PLAC8L1: variants seen among roughly 807,000 people sequenced by gnomAD.
The protein encoded by PLAC8L1 is PLAC8-like protein 1.
In PLAC8L1, 13 loss-of-function variants were observed where a neutral mutation model predicts 16.3. That is an observed-to-expected ratio of 0.80 (90% CI 0.52 to 1.27). The LOEUF (loss-of-function observed/expected upper bound fraction) is 1.27. PLAC8L1 is among the 50% of genes most tolerant of loss of function. PLAC8L1 has a pLI of 0.00. For missense variants in PLAC8L1, 184 were observed against 220.2 expected, an observed-to-expected ratio of 0.84 and a Z score of 1.04; for synonymous variants, 78 against 79.3, an observed-to-expected ratio of 0.98 and a Z score of 0.09.
intron 2 of PLAC8L1, among the ~76,000 whole-genome samples, chr5:146,097,946 T>C (rs1763743476): frequency 6.6e-6 from 1 of 152,206 alleles, no homozygotes; most frequent in Non-Finnish European, 1.5e-5. Flanking sequence ...TTAGAAATCT[T>C]TGAAGGCACC....
Position 146,091,111 on chromosome 5 carries a change from T to C in PLAC8L1, c.257-5514A>G, listed in dbSNP as rs551501659. On this transcript the variant is annotated intron_variant, in intron 2 of 3. Transcript: ENST00000311450. ...TGGGGAGCCATGAAGAAATAAGTAC[T>C]CCACACACAGATGGAAGTAGAAATT... Among the ~76,000 whole-genome samples, 26 of 152,226 alleles carry C rather than the reference T, an allele frequency of 1.7e-4. 1 individual carries two copies. Among genetic ancestry groups the C allele is most frequent in the South Asian group, 1.5e-3 (7 of 4,812 alleles).
chr5:146,090,032 C>A (rs1561782867), intron 2 of PLAC8L1, among the ~76,000 whole-genome samples: 1 of 151,948 alleles, frequency 6.6e-6, no homozygotes, highest in Non-Finnish European at 1.5e-5. Flanking sequence ...GCCACAGCGC[C>A]CAGCCTCAAC....
rs1215840331 is a variant in PLAC8L1, at chr5:146,084,314, AG to A, written c.*117del. 3 of 1,278,278 alleles carry A rather than the reference AG, an allele frequency of 2.3e-6. No individual in the cohort carries two copies. Among genetic ancestry groups the A allele is most frequent in the African/African-American group, 1.5e-5 (1 of 67,172 alleles). The allele number at this position is 1,278,278 out of a possible 1,614,324, so 79.2% of individuals were successfully genotyped here. A position where few individuals can be genotyped will look rare whatever the true frequency, so the allele number is the denominator to read the frequency against. ...AAGAAAGAAGAACAGTAGAGACAGT[AG>A]GGGGGAAATCATTTATTTTCATACC... On this transcript the variant is annotated 3_prime_UTR_variant, in exon 4 of 4. Transcript: ENST00000311450.
Position 146,098,190 on chromosome 5 carries a change from G to A in PLAC8L1, c.222C>T (p.Thr74=), listed in dbSNP as rs943620041. The A allele has an allele frequency of 1.2e-5, 20 of 1,613,818 alleles. No homozygotes were observed. The highest frequency in any genetic ancestry group is 5.0e-5 in the Admixed American group (3 of 59,968). ...AIVQTGGGWS[T]GLFSVCRDRR... is the part of the protein sequence containing the mutation. ...TATCTCTGCAGACACTGAAGAGACCGGTGCTCCAGCCCCCGCCAGTCTGGA... is the reference window on the plus strand; with the variant it reads ...TATCTCTGCAGACACTGAAGAGACCAGTGCTCCAGCCCCCGCCAGTCTGGA... Residue 74 remains threonine (T), a synonymous_variant, in exon 2 of 4, where the codon ACC becomes ACT. Transcript: ENST00000311450.
intron 2 of PLAC8L1, among the ~76,000 whole-genome samples, chr5:146,088,181 T>C (rs1480323649): frequency 6.6e-6 from 1 of 152,216 alleles, no homozygotes; most frequent in Non-Finnish European, 1.5e-5. Flanking sequence ...GTATGTTGCT[T>C]GAACTCCTGG....
At chr5:146,088,955 A>G (rs1021715801) in intron 2 of PLAC8L1, among the ~76,000 whole-genome samples, 5 of 152,236 alleles carry the variant, frequency 3.3e-5, no homozygotes, top group Non-Finnish European at 4.4e-5. Flanking sequence ...AAAATAGTGT[A>G]AATCCCTGTA....
At chr5:146,098,132 C>A in intron 2 of PLAC8L1, 24 bp downstream of exon 2, 1 of 1,598,780 alleles carries the variant, frequency 6.3e-7, no homozygotes, top group Non-Finnish European at 8.5e-7. Context: ...TAAGGAGGAA[C>A]TTAAATAAGG....
At chr5:146,099,390 G>A (rs11952697) in intron 1 of PLAC8L1, 33,896 of 152,142 alleles carry the variant, frequency 0.22, 4,843 homozygotes, top group Admixed American at 0.34. Context: ...AGTAGGGTGC[G>A]GCGGCTCATG....
In PLAC8L1 at chr5:146,098,105, C is replaced by A; in HGVS notation, c.256+51G>T. On this transcript the variant is annotated intron_variant, in intron 2 of 3. Coordinates refer to ENST00000311450, the MANE Select transcript of PLAC8L1 (RefSeq NM_001029869.3). ...CTGTAGGTTTTCCACTCACTGATGT[C>A]CTGGAAAAGAAAATAGTAAGGAGGA... 3 of 1,565,652 alleles carry A rather than the reference C, an allele frequency of 1.9e-6. No homozygotes were observed. In the South Asian group the frequency reaches 3.6e-5, roughly 19 times the overall value.
chr5:146,104,266 A>AAAGAT lies in PLAC8L1; in HGVS notation c.41_45dup (p.Ser16IlefsTer26). ...AGAGGTGAGTATATGTTGAGTAAGG[A>AAAGAT]AAGATCCTCAGGACACCTGAAGAAG... On this transcript the variant is annotated frameshift_variant, in exon 1 of 4. Coordinates refer to ENST00000311450, the MANE Select transcript of PLAC8L1 (RefSeq NM_001029869.3). LOFTEE classifies it high-confidence loss of function. 1.2e-6 allele frequency: 2 copies of AAAGAT among 1,613,920 alleles called. No homozygotes were observed. The highest frequency in any genetic ancestry group is 1.7e-6 in the Non-Finnish European group (2 of 1,179,816).
At chr5:146,095,414 G>C (rs887614866) in intron 2 of PLAC8L1, among the ~76,000 whole-genome samples, 4 of 152,210 alleles carry the variant, frequency 2.6e-5, no homozygotes, top group African/African-American at 9.6e-5. Flanking sequence ...GCAGAGGTGA[G>C]CAGTGAAGTA....
intron 3 of PLAC8L1, 92 bp from the exon 4 acceptor site, chr5:146,084,664 A>G (rs1420029069): frequency 5.3e-6 from 8 of 1,495,580 alleles, no homozygotes; most frequent in Non-Finnish European, 6.3e-6. Flanking sequence ...TGGCCCTTCA[A>G]CCACAGCTTC....
At chr5:146,100,319 G>A (rs1763792565) in intron 1 of PLAC8L1, among the ~76,000 whole-genome samples, 1 of 152,134 alleles carries the variant, frequency 6.6e-6, no homozygotes, top group Non-Finnish European at 1.5e-5. Flanking sequence ...GAAGCGACCT[G>A]TCTGGAAGTA....
At chr5:146,102,545 T>C (rs1413293878) in intron 1 of PLAC8L1, among the ~76,000 whole-genome samples, 1 of 152,130 alleles carries the variant, frequency 6.6e-6, no homozygotes, top group African/African-American at 2.4e-5. Context: ...CTCCTGTAGC[T>C]TCCTAGACAG....
chr5:146,103,834 G>A, intron 1 of PLAC8L1: 4 of 985,276 alleles, frequency 4.1e-6, no homozygotes, highest in Non-Finnish European at 4.8e-6. Context: ...ATTCTGCCTT[G>A]TACCTAGGCC....
At chr5:146,094,205 C>T (rs999958252) in intron 2 of PLAC8L1, among the ~76,000 whole-genome samples, 2 of 152,144 alleles carry the variant, frequency 1.3e-5, no homozygotes, top group Non-Finnish European at 2.9e-5. Context: ...GCCTCAGCCT[C>T]CGGTGTAGCT....
At chr5:146,089,313 T>A (rs2150034120) in intron 2 of PLAC8L1, among the ~76,000 whole-genome samples, 1 of 152,350 alleles carries the variant, frequency 6.6e-6, no homozygotes, top group Admixed American at 6.5e-5. Flanking sequence ...AAATCAGATG[T>A]GATTTTTAAA....
At chr5:146,104,072 G>A in intron 1 of PLAC8L1, 121 bp downstream of exon 1, 1 of 1,436,886 alleles carries the variant, frequency 7.0e-7, no homozygotes, top group Non-Finnish European at 9.1e-7. Context: ...ATGGAGAAAA[G>A]ATAGCAACCA....
intron 2 of PLAC8L1, among the ~76,000 whole-genome samples, chr5:146,092,535 ATT>A (rs35101919): frequency 0.065 from 6,532 of 99,792 alleles, 76 homozygotes; most frequent in African/African-American, 0.077. Flanking sequence ...ATCTTTGCAG[ATT>A]TTTTTTTTTT....
Sources: allele counts gnomAD v4.1 joint callset (sites outside exome capture counted in the v4.1 genomes callset), GRCh38; gene constraint gnomAD v4.1.1; transcripts MANE v1.5; gene names NCBI Gene and HGNC (gene_info 2026-07-23, HGNC 2026-07-21).